UNC5C: variants seen among roughly 807,000 people sequenced by gnomAD.
The protein encoded by UNC5C is unc-5 netrin receptor C, also known as netrin receptor UNC5C.
UNC5C carries 47 observed loss-of-function variants against 99.8 expected under a neutral mutation model. The observed-to-expected ratio is 0.47, with a 90% CI of 0.37 to 0.60. UNC5C has a LOEUF of 0.60. UNC5C is among the 20% of genes least tolerant of loss of function. The pLI, the probability that UNC5C is intolerant of heterozygous loss-of-function variation, is 0.00. For missense variants in UNC5C, 1,062 were observed against 1,165.9 expected, an observed-to-expected ratio of 0.91 and a Z score of 1.30; for synonymous variants, 487 against 452.2, an observed-to-expected ratio of 1.08 and a Z score of -0.98.
At chr4:95,300,189 C>G (rs752702993) in intron 3 of UNC5C, among the ~76,000 whole-genome samples, 18 of 152,098 alleles carry the variant, frequency 1.2e-4, no homozygotes, top group Non-Finnish European at 2.1e-4. Context: ...AATATGAAAC[C>G]TTGAGACAGG....
At chr4:95,495,611 A>G (rs1721609608) in intron 1 of UNC5C, among the ~76,000 whole-genome samples, 1 of 151,722 alleles carries the variant, frequency 6.6e-6, no homozygotes, top group Non-Finnish European at 1.5e-5. Context: ...AAATTAGGAC[A>G]TGGGTTAAAA....
Position 95,304,952 on chromosome 4 carries a change from A to G in UNC5C, c.347-3203T>C, listed in dbSNP as rs957923369. 3.9e-5 allele frequency among the ~76,000 whole-genome samples: 6 copies of G among 152,202 alleles called. No homozygotes were observed. In the East Asian group the frequency reaches 7.7e-4, roughly 20 times the overall value. ...TCCTTTAGCTCAAATAGGCTCATGG[A>G]TGGTTCTACTGACCACAAATCTGAA... On this transcript the variant is annotated intron_variant, in intron 2 of 15. Transcript: ENST00000453304.
rs1207677002 is a variant in UNC5C at position 95,516,402 on chromosome 4, A to C, written c.124+32332T>G. Among the ~76,000 whole-genome samples the C allele has an allele frequency of 2.0e-5, 3 of 152,288 alleles. No individual in the cohort carries two copies. The East Asian group carries it at 5.8e-4, about 29-fold the overall frequency. On this transcript the variant is annotated intron_variant, in intron 1 of 15. Transcript: ENST00000453304. ...AATATCCTCCATTTCTTCAACCAAA[A>C]TATGCTGAGCACTGAGTGTCCAATG...
intron 1 of UNC5C, among the ~76,000 whole-genome samples, chr4:95,496,844 T>A (rs2149483110): frequency 6.6e-6 from 1 of 151,870 alleles, no homozygotes; most frequent in Admixed American, 6.6e-5. Context: ...TCTCCCAATC[T>A]TCCCCTCCCA....
intron 3 of UNC5C, among the ~76,000 whole-genome samples, chr4:95,290,345 T>G (rs1366533699): frequency 1.0e-4 from 2 of 19,238 alleles, no homozygotes; most frequent in African/African-American, 8.3e-4. Context: ...TTGGTGGTGT[T>G]TTTTTTTTTT....
intron 9 of UNC5C, among the ~76,000 whole-genome samples, chr4:95,217,818 G>T (rs1176127026): frequency 6.6e-6 from 1 of 152,154 alleles, no homozygotes; most frequent in Non-Finnish European, 1.5e-5. Context: ...ATAATGGACT[G>T]TTATAAAGAT....
chr4:95,501,245 G>T (rs371616376), intron 1 of UNC5C, among the ~76,000 whole-genome samples: 8 of 151,956 alleles, frequency 5.3e-5, no homozygotes, highest in African/African-American at 1.9e-4. Flanking sequence ...GTTCAGTGTG[G>T]GCTTGTGTTC....
chr4:95,262,819 T>A (rs1398000390), intron 4 of UNC5C, among the ~76,000 whole-genome samples: 1 of 146,416 alleles, frequency 6.8e-6, no homozygotes, highest in Non-Finnish European at 1.5e-5. Context: ...AGTTTCCCTA[T>A]TTTTTTTTTT....
intron 1 of UNC5C, among the ~76,000 whole-genome samples, chr4:95,373,597 T>A: frequency 6.6e-6 from 1 of 152,164 alleles, no homozygotes. Context: ...CTCCCAAATG[T>A]CCTAACAGTT....
chr4:95,423,700 G>A (rs1180534665), intron 1 of UNC5C, among the ~76,000 whole-genome samples: 2 of 152,182 alleles, frequency 1.3e-5, no homozygotes, highest in East Asian at 3.9e-4. Flanking sequence ...TACATTTCCA[G>A]AGGCATAAGT....
intron 12 of UNC5C, among the ~76,000 whole-genome samples, chr4:95,199,845 A>G (rs1193397231): frequency 1.3e-5 from 2 of 152,184 alleles, no homozygotes; most frequent in Non-Finnish European, 2.9e-5. Context: ...ATTTTCCCTA[A>G]TTCAAACCCA....
At chr4:95,406,969 A>G (rs1046441837) in intron 1 of UNC5C, among the ~76,000 whole-genome samples, 2 of 152,216 alleles carry the variant, frequency 1.3e-5, no homozygotes, top group African/African-American at 2.4e-5. Flanking sequence ...ATAATGTTAA[A>G]TGGACATTTT....
At chr4:95,286,808 C>T (rs1250345015) in intron 3 of UNC5C, among the ~76,000 whole-genome samples, 1 of 152,124 alleles carries the variant, frequency 6.6e-6, no homozygotes, top group African/African-American at 2.4e-5. Context: ...AATGCAGGCT[C>T]AATGGGCCAC....
At chr4:95,329,831 A>G (rs1179262460) in intron 2 of UNC5C, among the ~76,000 whole-genome samples, 1 of 152,182 alleles carries the variant, frequency 6.6e-6, no homozygotes, top group Non-Finnish European at 1.5e-5. Context: ...TAAGACTTAT[A>G]GATTGTGTGT....
intron 1 of UNC5C, among the ~76,000 whole-genome samples, chr4:95,529,487 G>T (rs2149492481): frequency 6.6e-6 from 1 of 151,782 alleles, no homozygotes; most frequent in South Asian, 2.1e-4. Context: ...AGCACTTTGG[G>T]AGCCCAGGCA....
intron 1 of UNC5C, among the ~76,000 whole-genome samples, chr4:95,387,337 A>G (rs1041939529): frequency 6.6e-6 from 1 of 152,032 alleles, no homozygotes; most frequent in African/African-American, 2.4e-5. Flanking sequence ...TGGGGGCCTC[A>G]CTATGTTGCC....
At chr4:95,338,247 T>G (rs1380033975) in intron 1 of UNC5C, among the ~76,000 whole-genome samples, 1 of 152,078 alleles carries the variant, frequency 6.6e-6, no homozygotes, top group African/African-American at 2.4e-5. Flanking sequence ...TGATTCTTGC[T>G]CCATAGAAAA....
chr4:95,407,468 C>T (rs1430094804), intron 1 of UNC5C, among the ~76,000 whole-genome samples: 1 of 151,946 alleles, frequency 6.6e-6, no homozygotes, highest in Non-Finnish European at 1.5e-5. Context: ...ATTCCTGAAG[C>T]TAAAACCAAT....
intron 10 of UNC5C, among the ~76,000 whole-genome samples, chr4:95,215,035 G>C (rs1022485917): frequency 3.2e-4 from 48 of 152,126 alleles, no homozygotes; most frequent in Admixed American, 2.8e-3. Context: ...TTATGTAGGT[G>C]GAAGTACACC....
Sources: gnomAD v4.1 joint callset for allele counts (sites outside exome capture counted in the v4.1 genomes callset) on GRCh38, gnomAD v4.1.1 for gene constraint, MANE v1.5 for transcripts, NCBI Gene and HGNC (gene_info 2026-07-23, HGNC 2026-07-21) for gene names.